The following PDZRN4 variants were observed in gnomAD, a reference collection of about 807,000 sequenced individuals.
The protein encoded by PDZRN4 is PDZ domain-containing RING finger protein 4.
A neutral mutation model predicts 99.0 loss-of-function variants in PDZRN4; 70 were observed. The ratio of observed to expected loss-of-function variants is 0.71; its 90% CI spans 0.58 to 0.86. The LOEUF is 0.86. PDZRN4 is among the 40% of genes least tolerant of loss of function. The probability of loss-of-function intolerance (pLI) is 0.00; values close to 1 mark genes in which losing one functional copy is unlikely to be tolerated. For missense variants in PDZRN4, 1,474 were observed against 1,331.2 expected, an observed-to-expected ratio of 1.11 and a Z score of -1.67; for synonymous variants, 551 against 501.6, an observed-to-expected ratio of 1.10 and a Z score of -1.32.
At chr12:41,254,237 C>T (rs1202834484) in intron 3 of PDZRN4, among the ~76,000 whole-genome samples, 1 of 151,962 alleles carries the variant, frequency 6.6e-6, no homozygotes, top group Non-Finnish European at 1.5e-5. Context: ...CAGAAGCAGC[C>T]ACAGTTTGTT....
chr12:41,449,773 A>T (rs1160183), intron 3 of PDZRN4, among the ~76,000 whole-genome samples: 2 of 152,036 alleles, frequency 1.3e-5, no homozygotes, highest in Non-Finnish European at 2.9e-5. Context: ...ATTGTGATGC[A>T]TCTCCTTTTG....
At chr12:41,310,256 TTGTGTG>T (rs67129655) in intron 3 of PDZRN4, among the ~76,000 whole-genome samples, 11 of 149,954 alleles carry the variant, frequency 7.3e-5, no homozygotes, top group Non-Finnish European at 1.5e-4. Context: ...TCATTTTTGT[TTGTGTG>T]TGTGTGTGTG....
chr12:41,274,224 A>C (rs1453148703), intron 3 of PDZRN4, among the ~76,000 whole-genome samples: 1 of 152,154 alleles, frequency 6.6e-6, no homozygotes, highest in Non-Finnish European at 1.5e-5. Flanking sequence ...GGGTTTTTAA[A>C]AAAACAGAAC....
intron 3 of PDZRN4, among the ~76,000 whole-genome samples, chr12:41,236,788 G>A (rs1951070766): frequency 6.6e-6 from 1 of 152,030 alleles, no homozygotes; most frequent in South Asian, 2.1e-4. Flanking sequence ...CATTCTTTCT[G>A]AATTTCAGCA....
At chr12:41,334,960 G>A (rs145469934) in intron 3 of PDZRN4, among the ~76,000 whole-genome samples, 5 of 152,090 alleles carry the variant, frequency 3.3e-5, no homozygotes, top group South Asian at 2.1e-4. Flanking sequence ...AAAAGCAGCA[G>A]TATGGTTTTG....
At chr12:41,233,229 C>T (rs1951040869) in intron 3 of PDZRN4, among the ~76,000 whole-genome samples, 2 of 152,042 alleles carry the variant, frequency 1.3e-5, no homozygotes, top group Admixed American at 1.3e-4. Context: ...AAATCAAAAC[C>T]ACAATGAGAA....
At chr12:41,231,685 T>C (rs528077911) in intron 3 of PDZRN4, among the ~76,000 whole-genome samples, 2 of 152,260 alleles carry the variant, frequency 1.3e-5, no homozygotes, top group East Asian at 3.9e-4. Context: ...CTGAAGCTAT[T>C]ATTTTATAGG....
chr12:41,407,514 C>T (rs977854140), intron 3 of PDZRN4, among the ~76,000 whole-genome samples: 3 of 152,102 alleles, frequency 2.0e-5, no homozygotes, highest in African/African-American at 4.8e-5. Context: ...AAATCAATGG[C>T]GATCCTCTGA....
intron 3 of PDZRN4, among the ~76,000 whole-genome samples, chr12:41,282,854 T>C (rs1432996398): frequency 6.6e-6 from 1 of 152,124 alleles, no homozygotes; most frequent in African/African-American, 2.4e-5. Flanking sequence ...TACCAGAATC[T>C]CTGGGACACA....
At position 41,188,940 on chromosome 12, in the gene PDZRN4, C is replaced by T. The variant is rs1268970466; in HGVS notation, c.485C>T (p.Pro162Leu). 7 of 1,347,032 alleles carry T rather than the reference C, an allele frequency of 5.2e-6. No individual in the cohort carries two copies. The South Asian group carries it at 1.3e-4, about 24-fold the overall frequency. 83.4% of individuals were successfully genotyped at this position (1,347,032 alleles called of 1,614,324 possible). A position where few individuals can be genotyped will look rare whatever the true frequency, so the allele number is the denominator to read the frequency against. The change falls in exon 1 of 10, where the codon CCT becomes CTT. Residue 162 changes from proline (P) to leucine (L), a missense_variant. Pro to Leu is a moderately conservative substitution (Grantham distance 98). Transcript: ENST00000402685. The part of the protein sequence containing the change: ...GRWGRGRGPG[P>L]RVLAWRRREK... ...TGGGGCCGCGGGCGGGGACCCGGGCCTCGGGTCCTCGCCTGGAGGCGGCGC... is the reference window on the plus strand; with the variant it reads ...TGGGGCCGCGGGCGGGGACCCGGGCTTCGGGTCCTCGCCTGGAGGCGGCGC...
chr12:41,244,430 A>G (rs1161509023), intron 3 of PDZRN4, among the ~76,000 whole-genome samples: 2 of 152,158 alleles, frequency 1.3e-5, no homozygotes, highest in Non-Finnish European at 2.9e-5. Context: ...AAGTTCTGCA[A>G]TGAGTTCCCA....
chr12:41,413,619 A>G (rs1336963649), intron 3 of PDZRN4, among the ~76,000 whole-genome samples: 1 of 152,176 alleles, frequency 6.6e-6, no homozygotes, highest in African/African-American at 2.4e-5. Context: ...CAGCACATAT[A>G]ATGTTTATTC....
chr12:41,243,606 A>C (rs1371262719), intron 3 of PDZRN4, among the ~76,000 whole-genome samples: 1 of 152,174 alleles, frequency 6.6e-6, no homozygotes, highest in Non-Finnish European at 1.5e-5. Flanking sequence ...TTCTGTTCAC[A>C]ACTACAATTA....
At chr12:41,294,439 G>A (rs1234247594) in intron 3 of PDZRN4, among the ~76,000 whole-genome samples, 1 of 152,028 alleles carries the variant, frequency 6.6e-6, no homozygotes, top group Non-Finnish European at 1.5e-5. Flanking sequence ...TAAATGACAA[G>A]GTTGATTTCA....
chr12:41,421,332 G>A (rs564332735), intron 3 of PDZRN4, among the ~76,000 whole-genome samples: 66 of 152,014 alleles, frequency 4.3e-4, no homozygotes, highest in Non-Finnish European at 6.9e-4. Flanking sequence ...CTGAGTAGCC[G>A]GGATTACCCA....
chr12:41,289,045 C>T (rs1951439636), intron 3 of PDZRN4, among the ~76,000 whole-genome samples: 1 of 151,958 alleles, frequency 6.6e-6, no homozygotes, highest in Non-Finnish European at 1.5e-5. Flanking sequence ...ACAACAGCTG[C>T]TCTGAAGGAG....
chr12:41,502,689 A>C (rs1938132082), intron 3 of PDZRN4, among the ~76,000 whole-genome samples: 1 of 152,112 alleles, frequency 6.6e-6, no homozygotes, highest in Non-Finnish European at 1.5e-5. Context: ...CTTCACCTTT[A>C]GTCTCATCTC....
chr12:41,193,290 A>G (rs114791861), intron 2 of PDZRN4, among the ~76,000 whole-genome samples: 1,571 of 152,320 alleles, frequency 0.01, 14 homozygotes, highest in South Asian at 0.024. Context: ...AATTCATGAT[A>G]AGGACAGCTA....
chr12:41,263,122 G>T (rs965204274), intron 3 of PDZRN4, among the ~76,000 whole-genome samples: 1 of 152,076 alleles, frequency 6.6e-6, no homozygotes, highest in Non-Finnish European at 1.5e-5. Context: ...AATAATGTGT[G>T]TGTGTGTGTA....
Sources: allele counts gnomAD v4.1 joint callset (sites outside exome capture counted in the v4.1 genomes callset), GRCh38; gene constraint gnomAD v4.1.1; transcripts MANE v1.5; gene names NCBI Gene and HGNC (gene_info 2026-07-23, HGNC 2026-07-21).